Variants in TTBK2 observed in about 807,000 individuals in gnomAD.
TTBK2 encodes the protein tau tubulin kinase 2.
TTBK2 carries 28 observed loss-of-function variants against 110.8 expected under a neutral mutation model. The observed-to-expected ratio is 0.25, with a 90% CI of 0.19 to 0.35. TTBK2 has a LOEUF of 0.35. Among genes scored for constraint, TTBK2 ranks in the 10% least tolerant of loss-of-function variants. TTBK2 has a pLI of 1.00. For missense variants in TTBK2, 1,369 were observed against 1,500.3 expected (o/e 0.91, Z 1.45); for synonymous variants, 532 against 527.3 (o/e 1.01, Z -0.12).
intron 3 of TTBK2, among the ~76,000 whole-genome samples, chr15:42,851,151 G>A (rs1225323683): frequency 6.6e-6 from 1 of 151,880 alleles, no homozygotes; most frequent in Non-Finnish European, 1.5e-5. Context: ...GGGAGGCTGA[G>A]GCAGGAGAAT....
chr15:42,765,742 C>A (rs1481136494), intron 13 of TTBK2, among the ~76,000 whole-genome samples: 1 of 152,124 alleles, frequency 6.6e-6, no homozygotes, highest in African/African-American at 2.4e-5. Context: ...GGCAGGCCAA[C>A]ATTCAAATTC....
intron 13 of TTBK2, among the ~76,000 whole-genome samples, chr15:42,768,121 T>TA (rs759871194): frequency 7.6e-4 from 115 of 152,268 alleles, no homozygotes; most frequent in Admixed American, 1.9e-3. Context: ...CTCAAAATAA[T>TA]AAGAGTTATT....
chr15:42,770,237 A>G (rs950689078), intron 13 of TTBK2, among the ~76,000 whole-genome samples: 1 of 152,010 alleles, frequency 6.6e-6, no homozygotes, highest in African/African-American at 2.4e-5. Flanking sequence ...CTAGAACTTA[A>G]AGTATAATAA....
At chr15:42,915,360 AC>A (rs1217085021) in intron 1 of TTBK2, among the ~76,000 whole-genome samples, 1 of 152,212 alleles carries the variant, frequency 6.6e-6, no homozygotes, top group Non-Finnish European at 1.5e-5. Flanking sequence ...TGTTCAAGTA[AC>A]TAACTCTTAT....
In TTBK2 at chr15:42,765,136, C is replaced by T. The variant is rs530722890; in HGVS notation, c.1998+9999G>A. Among the ~76,000 whole-genome samples the T allele has an allele frequency of 6.6e-5, 10 of 152,270 alleles. No homozygotes were observed. In the East Asian group the frequency reaches 1.7e-3, roughly 26 times the overall value. ...CATCAAAGACCAAAGGTAGATAAAACCACAAAGATGGGAAGATGGGAAGAA... is the reference window on the plus strand; with the variant it reads ...CATCAAAGACCAAAGGTAGATAAAATCACAAAGATGGGAAGATGGGAAGAA... On this transcript the variant is annotated intron_variant, in intron 13 of 14. Transcript: ENST00000267890.
At chr15:42,827,401 TATGACTTACAC>T (rs1309904435) in intron 6 of TTBK2, among the ~76,000 whole-genome samples, 1 of 152,088 alleles carries the variant, frequency 6.6e-6, no homozygotes, top group Non-Finnish European at 1.5e-5. Flanking sequence ...AACAGGAAAG[TATGACTTACAC>T]ATAGGGGGAA....
intron 1 of TTBK2, among the ~76,000 whole-genome samples, chr15:42,914,665 A>G (rs2030980272): frequency 6.6e-6 from 1 of 152,220 alleles, no homozygotes; most frequent in Admixed American, 6.5e-5. Flanking sequence ...AAGCTGTTTC[A>G]TGGGTTGTGT....
At chr15:42,770,089 C>T (rs578035998) in intron 13 of TTBK2, among the ~76,000 whole-genome samples, 262 of 127,044 alleles carry the variant, frequency 2.1e-3, no homozygotes, top group Middle Eastern at 9.4e-3. Flanking sequence ...ACATCACACA[C>T]CAGGGCCTGT....
intron 3 of TTBK2, among the ~76,000 whole-genome samples, chr15:42,865,439 G>A (rs567825999): frequency 4.0e-5 from 6 of 150,890 alleles, no homozygotes; most frequent in South Asian, 2.1e-4. Context: ...CAGCCTGGGC[G>A]ACAGAGTGAG....
At chr15:42,899,736 C>A (rs1185651109) in intron 1 of TTBK2, among the ~76,000 whole-genome samples, 1 of 149,048 alleles carries the variant, frequency 6.7e-6, no homozygotes, top group Non-Finnish European at 1.5e-5. Context: ...AGACTCCATA[C>A]AAAAAAAGAA....
At position 42,829,816 on chromosome 15, in the gene TTBK2, A is replaced by G. The variant is rs189701683; in HGVS notation, c.432+122T>C. 3.5e-5 allele frequency: 49 copies of G among 1,399,006 alleles called. No individual in the cohort carries two copies. The African/African-American group carries it at 6.1e-4, about 18-fold the overall frequency. The allele number at this position is 1,399,006 out of a possible 1,614,324, so 86.7% of individuals were successfully genotyped here. On this transcript the variant is annotated intron_variant, in intron 5 of 14. Coordinates refer to ENST00000267890, the MANE Select transcript of TTBK2 (RefSeq NM_173500.4). ...TTGCTTCCAGGTCTCTATTGGAATG[A>G]AAATATTACCTTGTATTTTACCACA...
At chr15:42,811,013 C>G (rs553619749) in intron 8 of TTBK2, among the ~76,000 whole-genome samples, 44 of 152,238 alleles carry the variant, frequency 2.9e-4, no homozygotes, top group African/African-American at 1.0e-3. Context: ...TTTTCTGAGA[C>G]AGGGTCTTGC....
chr15:42,788,920 G>A (rs1757950602), intron 10 of TTBK2, among the ~76,000 whole-genome samples: 1 of 152,054 alleles, frequency 6.6e-6, no homozygotes, highest in South Asian at 2.1e-4. Context: ...AATTGTATTT[G>A]AGCTTTGTAA....
intron 3 of TTBK2, among the ~76,000 whole-genome samples, chr15:42,860,013 G>A (rs915003097): frequency 6.6e-6 from 1 of 151,972 alleles, no homozygotes. Context: ...GCTTGAGGAT[G>A]TATCTACAGA....
At position 42,900,088 on chromosome 15, in the gene TTBK2, G is replaced by T. The variant is rs1022675402; in HGVS notation, c.-68+20350C>A. ...GGCTCACTGCACCTCCACCGCCCGGGTTCAAGCGATTCTCCTGCCTCAGCC... is the reference window on the plus strand; with the variant it reads ...GGCTCACTGCACCTCCACCGCCCGGTTTCAAGCGATTCTCCTGCCTCAGCC... On this transcript the variant is annotated intron_variant, in intron 1 of 14. Coordinates refer to ENST00000267890, the MANE Select transcript of TTBK2 (RefSeq NM_173500.4). Among the ~76,000 whole-genome samples, 6 of 151,554 alleles carry T rather than the reference G, an allele frequency of 4.0e-5. No individual in the cohort carries two copies. The South Asian group carries it at 1.3e-3, about 32-fold the overall frequency.
At chr15:42,907,371 C>T (rs2030466712) in intron 1 of TTBK2, among the ~76,000 whole-genome samples, 2 of 152,168 alleles carry the variant, frequency 1.3e-5, no homozygotes. Flanking sequence ...AAAGAGATAT[C>T]TGCACTCCCA....
At chr15:42,808,302 A>T (rs1485612906) in intron 9 of TTBK2, among the ~76,000 whole-genome samples, 1 of 152,218 alleles carries the variant, frequency 6.6e-6, no homozygotes, top group Non-Finnish European at 1.5e-5. Flanking sequence ...TCCAATTTTT[A>T]AAGATTTATA....
intron 3 of TTBK2, among the ~76,000 whole-genome samples, chr15:42,845,940 C>A (rs1173025167): frequency 6.6e-6 from 1 of 151,996 alleles, no homozygotes; most frequent in South Asian, 2.1e-4. Context: ...TATTTATGTA[C>A]CTAAACGTGC....
intron 2 of TTBK2, among the ~76,000 whole-genome samples, chr15:42,874,714 G>A (rs1011959241): frequency 9.2e-5 from 14 of 151,552 alleles, no homozygotes; most frequent in African/African-American, 2.9e-4. Context: ...GTGGCCGGGC[G>A]CGGTGGCTCA....
Sources: gnomAD v4.1 joint callset for allele counts (sites outside exome capture counted in the v4.1 genomes callset) on GRCh38, gnomAD v4.1.1 for gene constraint, MANE v1.5 for transcripts, NCBI Gene and HGNC (gene_info 2026-07-23, HGNC 2026-07-21) for gene names.